PDE3B: variants seen among roughly 807,000 people sequenced by gnomAD.
PDE3B encodes the protein phosphodiesterase 3B, also known as cGMP-inhibited 3',5'-cyclic phosphodiesterase 3B.
Under a neutral mutation model 116.8 loss-of-function variants are expected in PDE3B, and 66 were observed. That is an observed-to-expected ratio of 0.56 (90% confidence interval 0.46 to 0.69). The LOEUF (loss-of-function observed/expected upper bound fraction) is 0.69, where lower values mean the gene tolerates loss of function less well. Ranked by LOEUF, PDE3B falls within the 30% of genes least tolerant of loss-of-function variation. The pLI is 0.00. For missense variants in PDE3B, 1,384 were observed against 1,368.1 expected (o/e 1.01, Z -0.18); for synonymous variants, 595 against 533.6 (o/e 1.12, Z -1.59).
At chr11:14,840,557 C>G (rs768823623) in intron 11 of PDE3B, among the ~76,000 whole-genome samples, 1 of 152,188 alleles carries the variant, frequency 6.6e-6, no homozygotes, top group Non-Finnish European at 1.5e-5. Flanking sequence ...TCCATAGTTA[C>G]GGCTTTGTGG....
intron 1 of PDE3B, among the ~76,000 whole-genome samples, chr11:14,672,860 C>T (rs774361070): frequency 4.6e-5 from 7 of 151,564 alleles, no homozygotes; most frequent in Non-Finnish European, 8.8e-5. Flanking sequence ...TCTTACTCAG[C>T]TACTAGAGAG....
intron 1 of PDE3B, among the ~76,000 whole-genome samples, chr11:14,690,227 A>G (rs547907278): frequency 2.2e-4 from 33 of 152,332 alleles, no homozygotes; most frequent in Non-Finnish European, 3.7e-4. Context: ...GTCTGGGAAA[A>G]ATTCTTCCAA....
chr11:14,673,664 G>A (rs1460321256), intron 1 of PDE3B: 6 of 708,554 alleles, frequency 8.5e-6, no homozygotes, highest in East Asian at 5.6e-5. Flanking sequence ...TCTTTGCCAG[G>A]TACTTCAGGA....
intron 14 of PDE3B, among the ~76,000 whole-genome samples, chr11:14,863,482 T>C (rs1397798007): frequency 6.6e-6 from 1 of 152,088 alleles, no homozygotes; most frequent in Non-Finnish European, 1.5e-5. Flanking sequence ...GCTACATAAA[T>C]GTCCCACGAT....
intron 15 of PDE3B, among the ~76,000 whole-genome samples, chr11:14,868,248 G>T (rs1848083381): frequency 6.6e-6 from 1 of 152,158 alleles, no homozygotes; most frequent in South Asian, 2.1e-4. Context: ...CAGTACCTGT[G>T]CATGCACGAT....
At chr11:14,702,406 C>T (rs1855392024) in intron 1 of PDE3B, among the ~76,000 whole-genome samples, 1 of 151,700 alleles carries the variant, frequency 6.6e-6, no homozygotes, top group Non-Finnish European at 1.5e-5. Context: ...AGTCTTAGTT[C>T]TTGCAAAAGC....
intron 7 of PDE3B, among the ~76,000 whole-genome samples, chr11:14,826,456 A>T (rs567624072): frequency 6.6e-6 from 1 of 152,320 alleles, no homozygotes; most frequent in Non-Finnish European, 1.5e-5. Context: ...CTGACCCCAC[A>T]GAAATACAAC....
rs541009579 is a variant in PDE3B at position 14,849,244 on chromosome 11, C to T, written c.2520+5218C>T. On this transcript the variant is annotated intron_variant, in intron 12 of 15. Coordinates refer to ENST00000282096, the MANE Select transcript of PDE3B (RefSeq NM_000922.4). ...AAAAACAAGCAATGGGGAAAGGATT[C>T]CCTGTTTAATAAATGGTGCTGGGAA... Among the ~76,000 whole-genome samples the T allele has an allele frequency of 7.2e-5, 11 of 152,252 alleles. No individual in the cohort carries two copies. The East Asian group carries it at 1.7e-3, about 24-fold the overall frequency.
At chr11:14,885,871 C>G in the PDE3B span, 1 of 1,613,484 alleles carries the variant, frequency 6.2e-7, no homozygotes, top group Non-Finnish European at 8.5e-7. Context: ...TACATCATAG[C>G]CATTTAGAAC....
intron 9 of PDE3B, among the ~76,000 whole-genome samples, chr11:14,832,221 G>T (rs1389416700): frequency 6.6e-6 from 1 of 151,998 alleles, no homozygotes; most frequent in Admixed American, 6.5e-5. Flanking sequence ...TACCTGATGG[G>T]TCCGCATAAC....
chr11:14,837,986 AT>A (rs937182206), intron 11 of PDE3B, among the ~76,000 whole-genome samples: 22 of 148,140 alleles, frequency 1.5e-4, no homozygotes, highest in African/African-American at 4.5e-4. Context: ...ATTTTATTTT[AT>A]TTTTTTTTTG....
intron 1 of PDE3B, among the ~76,000 whole-genome samples, chr11:14,738,859 A>G (rs1474966272): frequency 6.6e-6 from 1 of 152,200 alleles, no homozygotes; most frequent in Non-Finnish European, 1.5e-5. Flanking sequence ...TAAACAGGAT[A>G]TCCTTTCCCC....
Position 14,786,580 on chromosome 11 carries a change from A to C in PDE3B, c.1173A>C (p.Ser391=), listed in dbSNP as rs1306866842. The change falls in exon 3 of 16, where the codon TCA becomes TCC. Residue 391 remains serine (S), a synonymous_variant. Coordinates refer to ENST00000282096, the MANE Select transcript of PDE3B (RefSeq NM_000922.4). ...TTAGTAGCTTAATGGGTGCTTTCTC[A>C]GGTTCCTGTAGGCCAAAGATTAATC... The part of the protein sequence containing the change: ...RSISSLMGAF[S]GSCRPKINPL... 1 of 1,613,132 alleles carries C rather than the reference A, an allele frequency of 6.2e-7. No homozygotes were observed. Among genetic ancestry groups the C allele is most frequent in the African/African-American group, 1.3e-5 (1 of 74,950 alleles).
chr11:14,650,201 GT>G (rs59519371), intron 1 of PDE3B, among the ~76,000 whole-genome samples: 14,537 of 130,734 alleles, frequency 0.11, 513 homozygotes, highest in African/African-American at 0.18. Context: ...ATTCAGCAAT[GT>G]TTTTTTTTTT....
chr11:14,663,359 A>G (rs2133766449), intron 1 of PDE3B, among the ~76,000 whole-genome samples: 1 of 152,352 alleles, frequency 6.6e-6, no homozygotes, highest in South Asian at 2.1e-4. Flanking sequence ...AAATCATGCC[A>G]AATTGTAAAG....
At chr11:14,659,684 G>T (rs1375446195) in intron 1 of PDE3B, among the ~76,000 whole-genome samples, 1 of 152,090 alleles carries the variant, frequency 6.6e-6, no homozygotes, top group Non-Finnish European at 1.5e-5. Flanking sequence ...AGTGTGTGCT[G>T]TTCCTCCCTA....
intron 15 of PDE3B, among the ~76,000 whole-genome samples, 179 bp from the exon 16 acceptor site, chr11:14,869,282 A>G (rs1381512037): frequency 1.3e-5 from 2 of 152,030 alleles, no homozygotes; most frequent in East Asian, 1.9e-4. Context: ...TGAACACCAT[A>G]ACGCAGGGAT....
chr11:14,650,625 G>C (rs1345615848), intron 1 of PDE3B, among the ~76,000 whole-genome samples: 3 of 152,172 alleles, frequency 2.0e-5, no homozygotes, highest in Non-Finnish European at 4.4e-5. Context: ...GAAGAGATTA[G>C]AGAAGATTTG....
intron 5 of PDE3B, among the ~76,000 whole-genome samples, chr11:14,805,393 A>G (rs1179182579): frequency 6.6e-6 from 1 of 152,214 alleles, no homozygotes; most frequent in Non-Finnish European, 1.5e-5. Context: ...CAATGAAGAA[A>G]TATTCTTGAA....
Sources: gnomAD v4.1 joint callset for allele counts (sites outside exome capture counted in the v4.1 genomes callset) on GRCh38, gnomAD v4.1.1 for gene constraint, MANE v1.5 for transcripts, NCBI Gene and HGNC (gene_info 2026-07-23, HGNC 2026-07-21) for gene names.